The following PRKG1 variants were observed in gnomAD, a reference collection of about 807,000 sequenced individuals.
The protein encoded by PRKG1 is cGMP-dependent protein kinase 1.
A neutral mutation model predicts 88.1 loss-of-function variants in PRKG1; 35 were observed. The observed-to-expected ratio is 0.40, with a 90% confidence interval of 0.30 to 0.53. The LOEUF is 0.53. Among genes scored for constraint, PRKG1 ranks in the 20% least tolerant of loss-of-function variants. PRKG1 has a pLI of 0.59. For synonymous variants in PRKG1, 303 were observed against 292.5 expected (o/e 1.04, Z -0.37); for missense variants, 540 against 839.8 (o/e 0.64, Z 4.41).
At chr10:52,186,045 T>G (rs1839192994) in intron 9 of PRKG1, among the ~76,000 whole-genome samples, 1 of 152,192 alleles carries the variant, frequency 6.6e-6, no homozygotes, top group Admixed American at 6.5e-5. Context: ...CTTATAGCAA[T>G]GCCCCACTCC....
intron 1 of PRKG1, among the ~76,000 whole-genome samples, chr10:51,107,931 G>T (rs1270123642): frequency 4.6e-5 from 7 of 150,626 alleles, no homozygotes; most frequent in African/African-American, 1.7e-4. Flanking sequence ...AAATTTCACA[G>T]ATATTATGAG....
intron 1 of PRKG1, among the ~76,000 whole-genome samples, chr10:51,060,666 T>G (rs1843682030): frequency 6.6e-6 from 1 of 152,176 alleles, no homozygotes; most frequent in Admixed American, 6.5e-5. Context: ...TATATACATT[T>G]ACCCTCATAT....
rs1049922573 is a variant in PRKG1, at chr10:51,547,913, T to A, written c.592+80077T>A. ...CACCTCAAAGTTGGTGAATGAATTA[T>A]TGTTCCCCATATTCATGCACATCTT... On this transcript the variant is annotated intron_variant, in intron 3 of 17. Transcript: ENST00000373980. Among the ~76,000 whole-genome samples, 4 of 152,166 alleles carry A rather than the reference T, an allele frequency of 2.6e-5. No homozygotes were observed. The East Asian group carries it at 7.7e-4, about 29-fold the overall frequency.
In PRKG1 at chr10:51,804,710, CTT is replaced by C; in HGVS notation, c.698+21_698+22del. 6.8e-7 allele frequency: 1 copy of C among 1,475,008 alleles called. No individual in the cohort carries two copies. Among genetic ancestry groups the C allele is most frequent in the African/African-American group, 1.4e-5 (1 of 71,758 alleles). 91.4% of individuals were successfully genotyped at this position (1,475,008 alleles called of 1,614,324 possible). ...AAAAAGGTAGGATGCTTTCTTTTCT[CTT>C]GTGAGAGTGTTTACTTTCCTTTTAG... On this transcript the variant is annotated intron_variant, in intron 4 of 17. Transcript: ENST00000373980.
At position 52,165,632 on chromosome 10, in the gene PRKG1, A is replaced by G. The variant is rs555456255; in HGVS notation, c.1076+3669A>G. Among the ~76,000 whole-genome samples, 51 of 152,324 alleles carry G rather than the reference A, an allele frequency of 3.3e-4. No homozygotes were observed. In the South Asian group the frequency reaches 0.01, roughly 31 times the overall value. ...GCAAAACCTACGGAAGATAAGATTA[A>G]TATTTCTTAAAGCTCGACTAAAATG... On this transcript the variant is annotated intron_variant, in intron 9 of 17. Coordinates refer to ENST00000373980, the MANE Select transcript of PRKG1 (RefSeq NM_006258.4).
At position 51,449,730 on chromosome 10, in the gene PRKG1, CTTTAG is replaced by C. The variant is rs537823349; in HGVS notation, c.479-17988_479-17984del. On this transcript the variant is annotated intron_variant, in intron 2 of 17. Transcript: ENST00000373980. ...AGCCATCTCTTAGATGGAAGCACAA[CTTTAG>C]TTTAACTTCTATTTCATAATTTTTG... Among the ~76,000 whole-genome samples, 22 of 148,826 alleles carry C rather than the reference CTTTAG, an allele frequency of 1.5e-4. No individual in the cohort carries two copies. In the South Asian group the frequency reaches 4.5e-3, roughly 30 times the overall value.
rs2132447473 is a variant in PRKG1 at position 52,280,807 on chromosome 10, T to C, written c.1422T>C (p.Ser474=). 6.2e-7 allele frequency: 1 copy of C among 1,613,318 alleles called. No individual in the cohort carries two copies. The highest frequency in any genetic ancestry group is 8.5e-7 in the Non-Finnish European group (1 of 1,179,474). Reference sequence around the variant, plus strand: ...ACCTCAGAGGTTCGTTTGAAGATTCTACAACCAGATTTTACACAGCATGTG... The same window carrying C: ...ACCTCAGAGGTTCGTTTGAAGATTCCACAACCAGATTTTACACAGCATGTG... ...ILRDRGSFED[S]TTRFYTACVV... is the part of the protein sequence containing the mutation. Residue 474 remains serine, a synonymous_variant, in exon 13 of 18, where the codon TCT becomes TCC. Coordinates refer to ENST00000373980, the MANE Select transcript of PRKG1 (RefSeq NM_006258.4).
intron 10 of PRKG1, among the ~76,000 whole-genome samples, chr10:52,264,128 T>C (rs1290204450): frequency 6.6e-6 from 1 of 152,120 alleles, no homozygotes; most frequent in Non-Finnish European, 1.5e-5. Context: ...TCTACATTGC[T>C]TTCTGAACGT....
chr10:51,151,445 T>A (rs534835165), intron 1 of PRKG1, among the ~76,000 whole-genome samples: 22 of 152,194 alleles, frequency 1.4e-4, no homozygotes, highest in South Asian at 1.2e-3. Context: ...TTTTAAAATA[T>A]CATTTTGTAG....
intron 3 of PRKG1, among the ~76,000 whole-genome samples, chr10:51,801,279 TTTTATGGACACAAATTTA>T (rs1296957935): frequency 6.6e-6 from 1 of 152,146 alleles, no homozygotes; most frequent in African/African-American, 2.4e-5. Context: ...CCAGTAAGAC[TTTTATGGACACAAATTTA>T]TTTATGGACA....
At chr10:51,524,720 A>ACATT (rs1841833172) in intron 3 of PRKG1, among the ~76,000 whole-genome samples, 1 of 152,188 alleles carries the variant, frequency 6.6e-6, no homozygotes, top group Non-Finnish European at 1.5e-5. Context: ...TGATGTATAA[A>ACATT]CATTTGTAGA....
chr10:52,182,749 A>G (rs1268711097), intron 9 of PRKG1, among the ~76,000 whole-genome samples: 2 of 149,128 alleles, frequency 1.3e-5, no homozygotes, highest in Non-Finnish European at 3.0e-5. Flanking sequence ...AGTTGTAGAT[A>G]TGCGGCATTA....
At chr10:51,267,055 AC>A (rs747596438) in intron 2 of PRKG1, among the ~76,000 whole-genome samples, 30 of 152,146 alleles carry the variant, frequency 2.0e-4, no homozygotes, top group Non-Finnish European at 4.0e-4. Context: ...AACTCCACTA[AC>A]CATGATTAGC....
chr10:51,835,773 A>G (rs1250296961), intron 4 of PRKG1, among the ~76,000 whole-genome samples: 2 of 152,204 alleles, frequency 1.3e-5, no homozygotes, highest in African/African-American at 4.8e-5. Context: ...TTGCTGGATC[A>G]TATGGTAGTT....
At chr10:51,966,382 T>G (rs1843567746) in intron 5 of PRKG1, among the ~76,000 whole-genome samples, 1 of 152,176 alleles carries the variant, frequency 6.6e-6, no homozygotes, top group Non-Finnish European at 1.5e-5. Context: ...ACATATGAAT[T>G]CAACATTTTT....
chr10:51,963,076 CTT>C (rs574195304), intron 5 of PRKG1, among the ~76,000 whole-genome samples: 11 of 151,472 alleles, frequency 7.3e-5, no homozygotes, highest in African/African-American at 2.7e-4. Context: ...TTGGCACAAA[CTT>C]TTTTTTTGCA....
intron 1 of PRKG1, among the ~76,000 whole-genome samples, chr10:51,011,293 C>T (rs908541362): frequency 1.3e-5 from 2 of 151,902 alleles, no homozygotes; most frequent in African/African-American, 4.8e-5. Flanking sequence ...CTCTACCCAC[C>T]AGTAACACCA....
At chr10:51,946,727 C>G (rs1308369769) in intron 5 of PRKG1, among the ~76,000 whole-genome samples, 2 of 152,076 alleles carry the variant, frequency 1.3e-5, no homozygotes, top group Non-Finnish European at 2.9e-5. Flanking sequence ...GAGGTCCACT[C>G]CAGACACTGT....
chr10:51,430,455 A>G (rs1838728459), intron 2 of PRKG1, among the ~76,000 whole-genome samples: 1 of 152,096 alleles, frequency 6.6e-6, no homozygotes, highest in African/African-American at 2.4e-5. Context: ...AAAGATGGAC[A>G]ATACAATTGT....
Sources: allele counts gnomAD v4.1 joint callset (sites outside exome capture counted in the v4.1 genomes callset), GRCh38; gene constraint gnomAD v4.1.1; transcripts MANE v1.5; gene names NCBI Gene and HGNC (gene_info 2026-07-23, HGNC 2026-07-21).